PDZRN4: variants seen among roughly 807,000 people sequenced by gnomAD.
The protein encoded by PDZRN4 is PDZ domain-containing RING finger protein 4.
In PDZRN4, 70 loss-of-function variants were observed where a neutral mutation model predicts 99.0. The observed-to-expected ratio is 0.71, with a 90% CI of 0.58 to 0.86. The LOEUF is 0.86. PDZRN4 is among the 40% of genes least tolerant of loss of function. PDZRN4 has a pLI of 0.00. For synonymous variants in PDZRN4, 551 were observed against 501.6 expected (o/e 1.10, Z -1.32); for missense variants, 1,474 against 1,331.2 (o/e 1.11, Z -1.67).
At chr12:41,540,708 T>C (rs1565609856) in intron 5 of PDZRN4, among the ~76,000 whole-genome samples, 2 of 152,222 alleles carry the variant, frequency 1.3e-5, no homozygotes, top group Non-Finnish European at 2.9e-5. Flanking sequence ...TTCTTTTCTT[T>C]CATTAATTTC....
intron 3 of PDZRN4, among the ~76,000 whole-genome samples, chr12:41,398,898 C>G (rs1330035131): frequency 1.3e-5 from 2 of 151,686 alleles, no homozygotes; most frequent in Non-Finnish European, 2.9e-5. Flanking sequence ...CCTTAGTGCT[C>G]TAATTCTAAG....
At chr12:41,428,196 T>C (rs1369604773) in intron 3 of PDZRN4, among the ~76,000 whole-genome samples, 1 of 152,170 alleles carries the variant, frequency 6.6e-6, no homozygotes, top group Non-Finnish European at 1.5e-5. Flanking sequence ...TGCATGCATA[T>C]AAGCAGGCAG....
At chr12:41,550,096 T>G (rs749552679) in intron 5 of PDZRN4, among the ~76,000 whole-genome samples, 12 of 152,240 alleles carry the variant, frequency 7.9e-5, no homozygotes, top group Non-Finnish European at 1.3e-4. Context: ...GTGCCCTTTT[T>G]GTTTTAATAC....
intron 3 of PDZRN4, among the ~76,000 whole-genome samples, chr12:41,333,101 C>T (rs1252504790): frequency 6.6e-6 from 1 of 152,102 alleles, no homozygotes; most frequent in African/African-American, 2.4e-5. Context: ...CACCTGTACA[C>T]CACTGTGCAG....
At chr12:41,384,449 A>T (rs1035630404) in intron 3 of PDZRN4, among the ~76,000 whole-genome samples, 1 of 152,150 alleles carries the variant, frequency 6.6e-6, no homozygotes, top group African/African-American at 2.4e-5. Flanking sequence ...CTCAATATAG[A>T]TCAAATTAAT....
chr12:41,241,903 T>C (rs1171798947), intron 3 of PDZRN4, among the ~76,000 whole-genome samples: 2 of 152,194 alleles, frequency 1.3e-5, no homozygotes, highest in Non-Finnish European at 2.9e-5. Flanking sequence ...CAGTATAGCT[T>C]TGGTCTAAGA....
intron 3 of PDZRN4, among the ~76,000 whole-genome samples, chr12:41,353,283 T>C (rs1951904047): frequency 6.6e-6 from 1 of 152,108 alleles, no homozygotes; most frequent in African/African-American, 2.4e-5. Flanking sequence ...CACTCACCCA[T>C]TCACTTTCTC....
intron 3 of PDZRN4, among the ~76,000 whole-genome samples, chr12:41,249,117 A>G (rs899466869): frequency 2.0e-5 from 3 of 152,206 alleles, no homozygotes; most frequent in Admixed American, 1.3e-4. Flanking sequence ...ACATGTGTGT[A>G]TACACACACA....
chr12:41,514,289 G>A (rs1938359215), intron 5 of PDZRN4, among the ~76,000 whole-genome samples: 1 of 152,022 alleles, frequency 6.6e-6, no homozygotes, highest in Admixed American at 6.6e-5. Context: ...GCTGTGCTGA[G>A]AAGTGTCATT....
At chr12:41,226,011 C>T (rs1019557564) in intron 3 of PDZRN4, among the ~76,000 whole-genome samples, 18 of 152,046 alleles carry the variant, frequency 1.2e-4, no homozygotes, top group Non-Finnish European at 2.5e-4. Context: ...ACAATTTACC[C>T]ATTCTGAGTC....
At chr12:41,402,134 TATATATAC>T (rs796608421) in intron 3 of PDZRN4, among the ~76,000 whole-genome samples, 4 of 50,340 alleles carry the variant, frequency 7.9e-5, no homozygotes, top group Non-Finnish European at 1.6e-4. Flanking sequence ...TATATATATA[TATATATAC>T]ACACACTGAG....
intron 5 of PDZRN4, among the ~76,000 whole-genome samples, chr12:41,528,741 GTTTCC>G (rs1430403535): frequency 3.9e-5 from 6 of 152,124 alleles, no homozygotes; most frequent in Admixed American, 1.3e-4. Flanking sequence ...TGAAACTACA[GTTTCC>G]TTTACTTTCC....
intron 3 of PDZRN4, among the ~76,000 whole-genome samples, chr12:41,391,371 A>G (rs1291795634): frequency 6.6e-6 from 1 of 152,192 alleles, no homozygotes. Context: ...CCAGGGAGGA[A>G]CAACTCCATA....
intron 5 of PDZRN4, among the ~76,000 whole-genome samples, chr12:41,540,350 G>T (rs1417566468): frequency 6.6e-6 from 1 of 152,136 alleles, no homozygotes; most frequent in African/African-American, 2.4e-5. Flanking sequence ...AGTACGGCAT[G>T]GAAGAGATTT....
intron 3 of PDZRN4, among the ~76,000 whole-genome samples, chr12:41,217,829 G>A (rs1186808426): frequency 6.6e-6 from 1 of 151,888 alleles, no homozygotes; most frequent in Non-Finnish European, 1.5e-5. Flanking sequence ...AGTTTGCAGA[G>A]TTCCGCTCTG....
intron 3 of PDZRN4, among the ~76,000 whole-genome samples, chr12:41,250,021 C>G (rs1951158020): frequency 6.6e-6 from 1 of 152,136 alleles, no homozygotes; most frequent in African/African-American, 2.4e-5. Context: ...TTCTTTTAGA[C>G]TGATCCTTTG....
intron 3 of PDZRN4, among the ~76,000 whole-genome samples, chr12:41,462,114 T>C (rs1212194990): frequency 6.6e-6 from 1 of 152,222 alleles, no homozygotes; most frequent in Non-Finnish European, 1.5e-5. Context: ...CTAAACTTGA[T>C]TTTCAGATCT....
chr12:41,188,649 A>G lies in PDZRN4; in HGVS notation c.194A>G (p.Tyr65Cys). The change falls in exon 1 of 10, where the codon TAC (tyrosine) becomes TGC (cysteine). Residue 65 changes from tyrosine (Y) to cysteine (C), a missense_variant. By Grantham distance (194) the Tyr-to-Cys change is radical (BLOSUM62 -2). Coordinates refer to ENST00000402685, the MANE Select transcript of PDZRN4 (RefSeq NM_001164595.2). ...QCQPLAPGEL[Y>C]RVLPLRSLIQ... ...CAGCCCTTGGCGCCCGGCGAGCTGT[A>G]CCGGGTGCTGCCGCTGCGCAGCCTC... The G allele has an allele frequency of 6.5e-7, 1 of 1,543,814 alleles. No homozygotes were observed. The highest frequency in any genetic ancestry group is 8.7e-7 in the Non-Finnish European group (1 of 1,152,256).
intron 3 of PDZRN4, among the ~76,000 whole-genome samples, chr12:41,280,219 C>T (rs1456894010): frequency 6.6e-6 from 1 of 152,200 alleles, no homozygotes; most frequent in African/African-American, 2.4e-5. Context: ...TTGCAACCCA[C>T]AGACCAAGAG....
Sources: gnomAD v4.1 joint callset for allele counts (sites outside exome capture counted in the v4.1 genomes callset) on GRCh38, gnomAD v4.1.1 for gene constraint, MANE v1.5 for transcripts, NCBI Gene and HGNC (gene_info 2026-07-23, HGNC 2026-07-21) for gene names.